The following NFATC3 variants were observed in gnomAD, a reference collection of about 807,000 sequenced individuals.
NFATC3 encodes nuclear factor of activated T cells 3, also known as nuclear factor of activated T-cells, cytoplasmic 3.
In NFATC3, 46 loss-of-function variants were observed where a neutral mutation model predicts 98.6. The observed-to-expected ratio is 0.47, with a 90% confidence interval of 0.37 to 0.60. NFATC3 has a LOEUF of 0.60. Ranked by LOEUF, NFATC3 falls within the 20% of genes least tolerant of loss-of-function variation. NFATC3 has a pLI of 0.00. For missense variants in NFATC3, 1,256 were observed against 1,295.5 expected (o/e 0.97, Z 0.47); for synonymous variants, 512 against 472.2 (o/e 1.08, Z -1.09).
chr16:68,203,480 G>C (rs1325161570), intron 9 of NFATC3, among the ~76,000 whole-genome samples: 3 of 151,696 alleles, frequency 2.0e-5, no homozygotes, highest in African/African-American at 7.3e-5. Context: ...AAAAATACCA[G>C]AATTAGGCCG....
intron 3 of NFATC3, among the ~76,000 whole-genome samples, chr16:68,144,244 A>C: frequency 6.6e-6 from 1 of 152,210 alleles, no homozygotes; most frequent in Non-Finnish European, 1.5e-5. Context: ...TTATCATTAC[A>C]TACCTATTAG....
At chr16:68,183,960 C>T (rs1486993585) in intron 8 of NFATC3, among the ~76,000 whole-genome samples, 1 of 145,026 alleles carries the variant, frequency 6.9e-6, no homozygotes, top group Non-Finnish European at 1.5e-5. Context: ...GAGCCGAGAT[C>T]GCACCATTGC....
intron 1 of NFATC3, among the ~76,000 whole-genome samples, chr16:68,091,871 C>T (rs1022513854): frequency 6.6e-6 from 1 of 152,140 alleles, no homozygotes; most frequent in African/African-American, 2.4e-5. Context: ...CCCAGGCATG[C>T]CATATGAGGT....
chr16:68,108,036 A>G (rs1449114796), intron 1 of NFATC3, among the ~76,000 whole-genome samples: 2 of 151,454 alleles, frequency 1.3e-5, no homozygotes, highest in African/African-American at 4.9e-5. Context: ...GTTCACTGTG[A>G]TGATAGTTTC....
chr16:68,106,541 C>T (rs1187354865), intron 1 of NFATC3, among the ~76,000 whole-genome samples: 20 of 152,112 alleles, frequency 1.3e-4, no homozygotes, highest in African/African-American at 3.1e-4. Context: ...CTGCCCGCCT[C>T]GGCCTCCCAA....
rs1023897380 is a variant in NFATC3 at position 68,085,542 on chromosome 16, C to A, written c.-140C>A. ...ACGGAACGCTCGGCGTCGCGGGCCC[C>A]GCCCGGAAAGTTTGCCGTGGAGTCG... is the stretch of plus-strand genomic sequence containing the variant. On this transcript the variant is annotated 5_prime_UTR_variant, in exon 1 of 10. Transcript: ENST00000346183. 106 of 693,700 alleles carry A rather than the reference C, an allele frequency of 1.5e-4. No individual in the cohort carries two copies. In the African/African-American group the frequency reaches 1.8e-3, roughly 11 times the overall value. The allele number at this position is 693,700 out of a possible 1,614,324, so 43.0% of individuals were successfully genotyped here. A position where few individuals can be genotyped will look rare whatever the true frequency, so the allele number is the denominator to read the frequency against.
intron 9 of NFATC3, chr16:68,209,863 ACACACT>A: frequency 3.2e-6 from 1 of 309,788 alleles, no homozygotes; most frequent in South Asian, 2.6e-5. Context: ...ACACACACAC[ACACACT>A]CACAGTCACA....
intron 1 of NFATC3, among the ~76,000 whole-genome samples, chr16:68,092,743 T>G (rs1598342782): frequency 6.6e-6 from 1 of 152,284 alleles, no homozygotes; most frequent in East Asian, 1.9e-4. Context: ...AAAAACAAAC[T>G]GTTAGTGCAT....
chr16:68,209,574 C>T, intron 9 of NFATC3: 1 of 326,924 alleles, frequency 3.1e-6, no homozygotes, highest in Non-Finnish European at 6.1e-6. Context: ...ATTTGCAAAG[C>T]TGCTGAAGGG....
chr16:68,191,873 T>C, intron 9 of NFATC3, 98 bp downstream of exon 9: 1 of 1,292,674 alleles, frequency 7.7e-7, no homozygotes, highest in Non-Finnish European at 1.1e-6. Flanking sequence ...CTTATTGGCA[T>C]ATGGTTGGGC....
chr16:68,178,627 T>C (rs563515628), intron 6 of NFATC3, among the ~76,000 whole-genome samples: 1 of 152,332 alleles, frequency 6.6e-6, no homozygotes, highest in African/African-American at 2.4e-5. Flanking sequence ...AGAGACTGAA[T>C]TGTGAACTGT....
At chr16:68,142,167 T>C (rs1264469523) in intron 3 of NFATC3, among the ~76,000 whole-genome samples, 1 of 152,116 alleles carries the variant, frequency 6.6e-6, no homozygotes, top group East Asian at 1.9e-4. Context: ...AATCTTTGGG[T>C]AGTGTGGTCA....
At chr16:68,215,210 A>C (rs1203217138) in intron 9 of NFATC3, among the ~76,000 whole-genome samples, 2 of 152,190 alleles carry the variant, frequency 1.3e-5, no homozygotes, top group Non-Finnish European at 2.9e-5. Flanking sequence ...CTGATGACCT[A>C]TCAGACAAGA....
intron 1 of NFATC3, among the ~76,000 whole-genome samples, chr16:68,086,972 GA>G (rs1378015702): frequency 6.6e-6 from 1 of 152,230 alleles, no homozygotes; most frequent in African/African-American, 2.4e-5. Flanking sequence ...TGATGAGGCA[GA>G]GGACTGAGGC....
intron 8 of NFATC3, among the ~76,000 whole-genome samples, chr16:68,184,075 T>C (rs1252828497): frequency 6.7e-6 from 1 of 149,336 alleles, no homozygotes; most frequent in Non-Finnish European, 1.5e-5. Flanking sequence ...TGTTTCAAAA[T>C]CATTTTCCTC....
At chr16:68,169,547 T>C (rs1270602317) in intron 5 of NFATC3, among the ~76,000 whole-genome samples, 1 of 152,160 alleles carries the variant, frequency 6.6e-6, no homozygotes, top group East Asian at 1.9e-4. Context: ...GCCACCATGC[T>C]CGGCTGGCAA....
chr16:68,222,201 G>A lies in NFATC3; in HGVS notation c.3107-4149G>A, dbSNP rs1172816033. Among the ~76,000 whole-genome samples the A allele has an allele frequency of 3.4e-5, 5 of 145,542 alleles. No homozygotes were observed. The South Asian group carries it at 1.1e-3, about 32-fold the overall frequency. On this transcript the variant is annotated intron_variant, in intron 9 of 9. Coordinates refer to ENST00000346183, the MANE Select transcript of NFATC3 (RefSeq NM_173165.3). ...CATGCCTGTAGGCCCAGCTACTCAG[G>A]AGGCTTAGGTGGGAAGATCAAGGCT...
chr16:68,202,997 T>C (rs1043333455), intron 9 of NFATC3, among the ~76,000 whole-genome samples: 9 of 152,162 alleles, frequency 5.9e-5, no homozygotes, highest in Admixed American at 3.3e-4. Flanking sequence ...AATCCTCTTT[T>C]GGGAAGCATA....
intron 9 of NFATC3, among the ~76,000 whole-genome samples, chr16:68,205,045 C>G (rs1354297195): frequency 6.6e-6 from 1 of 150,830 alleles, no homozygotes; most frequent in Non-Finnish European, 1.5e-5. Context: ...TTAGTGTCTC[C>G]ATCTGGGCAA....
Sources: gnomAD v4.1 joint callset for allele counts (sites outside exome capture counted in the v4.1 genomes callset) on GRCh38, gnomAD v4.1.1 for gene constraint, MANE v1.5 for transcripts, NCBI Gene and HGNC (gene_info 2026-07-23, HGNC 2026-07-21) for gene names.